Variants in POLN observed in about 807,000 individuals in gnomAD.
POLN encodes DNA polymerase N.
In POLN, 108 loss-of-function variants were observed where a neutral mutation model predicts 113.5. The ratio of observed to expected loss-of-function variants is 0.95; its 90% confidence interval spans 0.81 to 1.12. The LOEUF (loss-of-function observed/expected upper bound fraction) is 1.12, where lower values mean the gene tolerates loss of function less well. Ranked by LOEUF, POLN falls within the 50% of genes most tolerant of loss-of-function variation. The pLI, the probability that POLN is intolerant of heterozygous loss-of-function variation, is 0.00. For missense variants in POLN, 1,097 were observed against 1,077.1 expected, an observed-to-expected ratio of 1.02 and a Z score of -0.26; for synonymous variants, 386 against 391.5, an observed-to-expected ratio of 0.99 and a Z score of 0.17.
intron 23 of POLN, among the ~76,000 whole-genome samples, chr4:2,075,968 G>A (rs1255270515): frequency 6.6e-6 from 1 of 152,168 alleles, no homozygotes; most frequent in Non-Finnish European, 1.5e-5. Flanking sequence ...GACATGGGCC[G>A]AGCCTCGAAC....
At chr4:2,209,582 G>A (rs1560094760) in intron 4 of POLN, among the ~76,000 whole-genome samples, 1 of 151,496 alleles carries the variant, frequency 6.6e-6, no homozygotes, top group African/African-American at 2.4e-5. Flanking sequence ...ATCAAGGTGG[G>A]GAAAGCAATC....
chr4:2,210,734 A>C (rs1560095183), intron 4 of POLN, among the ~76,000 whole-genome samples: 4 of 149,744 alleles, frequency 2.7e-5, no homozygotes, highest in African/African-American at 9.8e-5. Context: ...CAGCCTGGCC[A>C]ATATGGTGAA....
intron 24 of POLN, among the ~76,000 whole-genome samples, chr4:2,075,045 C>A (rs987025100): frequency 3.9e-4 from 59 of 152,302 alleles, no homozygotes; most frequent in African/African-American, 1.4e-3. Flanking sequence ...TCCAACACCC[C>A]CAACAAGAAC....
chr4:2,074,811 C>T (rs1396905741), intron 24 of POLN, among the ~76,000 whole-genome samples: 2 of 152,150 alleles, frequency 1.3e-5, no homozygotes, highest in African/African-American at 2.4e-5. Context: ...CACCTGCTCT[C>T]GCCTCTCCCC....
chr4:2,083,745 G>A (rs1451178198), intron 21 of POLN, among the ~76,000 whole-genome samples: 1 of 152,270 alleles, frequency 6.6e-6, no homozygotes, highest in African/African-American at 2.4e-5. Context: ...AGGAACACCA[G>A]CAGGAAAATC....
intron 23 of POLN, among the ~76,000 whole-genome samples, chr4:2,077,316 T>C (rs888722499): frequency 2.6e-5 from 4 of 152,110 alleles, no homozygotes; most frequent in Non-Finnish European, 4.4e-5. Context: ...CCTTCTGGAG[T>C]CTGAGCTGCT....
At chr4:2,240,427 T>C (rs1459723529) in intron 2 of POLN, 1 of 1,613,824 alleles carries the variant, frequency 6.2e-7, no homozygotes, top group Non-Finnish European at 8.5e-7. Flanking sequence ...ATCAATTGTG[T>C]AACTTCATCA....
intron 13 of POLN, among the ~76,000 whole-genome samples, chr4:2,165,771 C>T (rs1465517703): frequency 6.6e-6 from 1 of 151,970 alleles, no homozygotes; most frequent in Non-Finnish European, 1.5e-5. Flanking sequence ...GAACCTAAAA[C>T]TAAAAAATAG....
intron 19 of POLN, among the ~76,000 whole-genome samples, chr4:2,098,743 G>A (rs1338093691): frequency 6.6e-6 from 1 of 152,254 alleles, no homozygotes; most frequent in Admixed American, 6.5e-5. Flanking sequence ...GTAGCAAAGA[G>A]CACCTAGCAC....
rs1373782812 is a variant in POLN at position 2,240,601 on chromosome 4, T to G, written c.-13+919A>C. The stretch of plus-strand genomic sequence containing the variant: ...TGACATTTATTACGTCGCTGAATTT[T>G]TAGGTTCTTTAATTTCAGTAGAGTT... On this transcript the variant is annotated intron_variant, in intron 2 of 25. Coordinates refer to ENST00000511885, the MANE Select transcript of POLN (RefSeq NM_181808.4). The G allele has an allele frequency of 1.9e-6, 3 of 1,613,028 alleles. No homozygotes were observed. In the African/African-American group the frequency reaches 4.0e-5, roughly 22 times the overall value.
rs527774018 is a variant in POLN, at chr4:2,222,708, T to A, written c.133+6391A>T. Among the ~76,000 whole-genome samples the A allele has an allele frequency of 1.0e-4, 15 of 148,746 alleles. No individual in the cohort carries two copies. The South Asian group carries it at 2.9e-3, about 29-fold the overall frequency. ...ATCACCCACGGCCTTTTTTTTTTTT[T>A]TTTTATTTTTCCACAGGATCTATTA... On this transcript the variant is annotated intron_variant, in intron 3 of 25. Coordinates refer to ENST00000511885, the MANE Select transcript of POLN (RefSeq NM_181808.4).
intron 2 of POLN, chr4:2,239,957 A>G (rs1734910781): frequency 9.5e-7 from 1 of 1,053,122 alleles, no homozygotes; most frequent in Non-Finnish European, 1.4e-6. Context: ...GCACCATTCT[A>G]AAGTACTTTA....
At chr4:2,108,715 C>T (rs1002369546) in intron 19 of POLN, among the ~76,000 whole-genome samples, 3 of 152,048 alleles carry the variant, frequency 2.0e-5, no homozygotes, top group Non-Finnish European at 4.4e-5. Flanking sequence ...TGATTCTTTG[C>T]GTGTTGCTCA....
At chr4:2,209,076 A>G (rs1290337030) in intron 4 of POLN, among the ~76,000 whole-genome samples, 2 of 152,228 alleles carry the variant, frequency 1.3e-5, no homozygotes, top group East Asian at 1.9e-4. Context: ...ATTATGTTGC[A>G]TATGTGCATA....
intron 18 of POLN, among the ~76,000 whole-genome samples, chr4:2,128,468 T>C (rs537343565): frequency 6.6e-6 from 1 of 152,270 alleles, no homozygotes; most frequent in South Asian, 2.1e-4. Context: ...GGAGTTGTGA[T>C]AAATAGGATG....
chr4:2,132,918 G>A (rs1731760332), intron 16 of POLN, among the ~76,000 whole-genome samples: 1 of 152,240 alleles, frequency 6.6e-6, no homozygotes, highest in Non-Finnish European at 1.5e-5. Flanking sequence ...GAAATGGTCA[G>A]TATCTGGGTA....
intron 19 of POLN, among the ~76,000 whole-genome samples, chr4:2,109,399 T>C (rs1419169319): frequency 6.6e-6 from 1 of 152,146 alleles, no homozygotes; most frequent in Non-Finnish European, 1.5e-5. Context: ...AATAATACAA[T>C]ATGGCATCTT....
intron 8 of POLN, among the ~76,000 whole-genome samples, chr4:2,177,039 A>G (rs1273947500): frequency 6.6e-6 from 1 of 152,112 alleles, no homozygotes; most frequent in Non-Finnish European, 1.5e-5. Flanking sequence ...ACACCTTGGC[A>G]TTGTTTTCTA....
chr4:2,140,647 C>G (rs1482321162), intron 16 of POLN, among the ~76,000 whole-genome samples: 1 of 151,900 alleles, frequency 6.6e-6, no homozygotes, highest in Non-Finnish European at 1.5e-5. Context: ...ACTCAGGAGG[C>G]TGAGGCATGA....
Sources: gnomAD v4.1 joint callset for allele counts (sites outside exome capture counted in the v4.1 genomes callset) on GRCh38, gnomAD v4.1.1 for gene constraint, MANE v1.5 for transcripts, NCBI Gene and HGNC (gene_info 2026-07-23, HGNC 2026-07-21) for gene names.